KLHL4: variants seen among roughly 807,000 people sequenced by gnomAD.
KLHL4 encodes kelch like family member 4.
In KLHL4, 17 loss-of-function variants were observed where a neutral mutation model predicts 45.8. The ratio of observed to expected loss-of-function variants is 0.37; its 90% confidence interval spans 0.25 to 0.56. The LOEUF is 0.56. KLHL4 is among the 20% of genes least tolerant of loss of function. The pLI is 0.79. For synonymous variants in KLHL4, 224 were observed against 189.9 expected (o/e 1.18, Z -1.47); for missense variants, 544 against 544.9 (o/e 1.00, Z 0.02).
chrX:87,559,834 T>C (rs185260288), intron 1 of KLHL4, among the ~76,000 whole-genome samples: 122 of 111,451 alleles, frequency 1.1e-3, no homozygotes, highest in Middle Eastern at 4.7e-3. Context: ...ACAGCGGTAA[T>C]ATATCCAATA....
intron 9 of KLHL4, among the ~76,000 whole-genome samples, chrX:87,637,220 C>T (rs1427652527): frequency 9.0e-6 from 1 of 111,386 alleles, no homozygotes; most frequent in East Asian, 2.9e-4. Context: ...TGGCTAGATC[C>T]AGAACAGAAA....
At chrX:87,569,776 G>T (rs1270681173) in intron 1 of KLHL4, among the ~76,000 whole-genome samples, 2 of 111,459 alleles carry the variant, frequency 1.8e-5, no homozygotes, top group African/African-American at 6.5e-5. Context: ...ATAGACGAAC[G>T]TAAAGAGACA....
At chrX:87,593,748 T>A (rs1921750118) in intron 1 of KLHL4, among the ~76,000 whole-genome samples, 2 of 110,978 alleles carry the variant, frequency 1.8e-5, no homozygotes, top group South Asian at 7.5e-4. Context: ...ACCAGAGAGG[T>A]CCATGTCCAC....
intron 1 of KLHL4, among the ~76,000 whole-genome samples, chrX:87,578,331 C>G (rs1921160686): frequency 9.0e-6 from 1 of 111,232 alleles, no homozygotes; most frequent in Non-Finnish European, 1.9e-5. Context: ...GTTATATATT[C>G]TAATAGACTA....
chrX:87,567,736 A>G (rs1932244273), intron 1 of KLHL4, among the ~76,000 whole-genome samples: 1 of 111,243 alleles, frequency 9.0e-6, no homozygotes, highest in African/African-American at 3.3e-5. Context: ...GTTCTCACTT[A>G]TAAGTGGGAG....
intron 1 of KLHL4, among the ~76,000 whole-genome samples, chrX:87,574,490 G>A (rs1178925293): frequency 8.9e-6 from 1 of 111,890 alleles, no homozygotes; most frequent in Non-Finnish European, 1.9e-5. Context: ...CAAGAAGAAT[G>A]CTGGCAATGC....
At chrX:87,556,364 C>A (rs1931973187) in intron 1 of KLHL4, among the ~76,000 whole-genome samples, 1 of 109,665 alleles carries the variant, frequency 9.1e-6, no homozygotes, top group Admixed American at 9.8e-5. Context: ...GAGTTCATGT[C>A]CTTTGTAGGG....
chrX:87,644,298 A>G (rs1923559553), intron 9 of KLHL4, among the ~76,000 whole-genome samples: 3 of 111,355 alleles, frequency 2.7e-5, no homozygotes, highest in African/African-American at 9.8e-5. Flanking sequence ...AACCCCTATT[A>G]CAATAGCTGC....
At chrX:87,561,448 G>A (rs1001939911) in intron 1 of KLHL4, among the ~76,000 whole-genome samples, 2 of 111,686 alleles carry the variant, frequency 1.8e-5, no homozygotes, top group Non-Finnish European at 3.8e-5. Flanking sequence ...ACACAAGGCA[G>A]AATTTATACT....
At chrX:87,548,601 A>G (rs1931734453) in intron 1 of KLHL4, among the ~76,000 whole-genome samples, 1 of 111,446 alleles carries the variant, frequency 9.0e-6, no homozygotes, top group Non-Finnish European at 1.9e-5. Context: ...ATATAAATAG[A>G]AACAATAAGA....
intron 1 of KLHL4, among the ~76,000 whole-genome samples, chrX:87,591,185 A>G (rs1921651303): frequency 9.0e-6 from 1 of 111,647 alleles, no homozygotes; most frequent in Non-Finnish European, 1.9e-5. Context: ...CATTCTATCT[A>G]ATATCTTATA....
chrX:87,661,771 G>A (rs1319297534), intron 9 of KLHL4, among the ~76,000 whole-genome samples: 1 of 111,260 alleles, frequency 9.0e-6, no homozygotes, highest in Admixed American at 9.6e-5. Flanking sequence ...AGAAAAACGA[G>A]AACTTTACAC....
intron 1 of KLHL4, among the ~76,000 whole-genome samples, chrX:87,597,502 T>C (rs5969270): frequency 0.21 from 23,134 of 110,590 alleles, 2,182 homozygotes; most frequent in East Asian, 0.54. Flanking sequence ...TTATTTCTCT[T>C]GAGTTTGTTT....
At chrX:87,561,124 C>T (rs1314807163) in intron 1 of KLHL4, among the ~76,000 whole-genome samples, 1 of 111,198 alleles carries the variant, frequency 9.0e-6, no homozygotes, top group Non-Finnish European at 1.9e-5. Context: ...GCTAGATGGC[C>T]GAAGAGAACC....
chrX:87,627,311 A>G (rs1602451808), intron 6 of KLHL4, among the ~76,000 whole-genome samples: 1 of 111,171 alleles, frequency 9.0e-6, no homozygotes, highest in East Asian at 2.8e-4. Flanking sequence ...TCAGAGCTAC[A>G]TCTTGAAACT....
chrX:87,521,231 T>G (rs1452517702), intron 1 of KLHL4, among the ~76,000 whole-genome samples: 1 of 112,157 alleles, frequency 8.9e-6, no homozygotes, highest in Non-Finnish European at 1.9e-5. Context: ...ACTCCATTCT[T>G]TCTTTACTAG....
intron 1 of KLHL4, among the ~76,000 whole-genome samples, chrX:87,605,519 A>G (rs1922163862): frequency 9.2e-6 from 1 of 109,066 alleles, no homozygotes; most frequent in Non-Finnish European, 1.9e-5. Context: ...TGTTTTCTTG[A>G]TTTATTTTTG....
In KLHL4 at chrX:87,667,005, A is replaced by T; in HGVS notation, c.*471A>T. On this transcript the variant is annotated 3_prime_UTR_variant, in exon 11 of 11. Transcript: ENST00000373119. ...AGAATAGTGTGATTTTTAGTAAGCC[A>T]TTATTCTCCTATTCAAATAATATCC... The T allele has an allele frequency of 5.5e-6, 4 of 722,261 alleles. No homozygotes were observed. The highest frequency in any genetic ancestry group is 1.4e-4 in the South Asian group (2 of 14,176). The allele number at this position is 722,261 out of a possible 1,213,427, so 59.5% of individuals were successfully genotyped here.
chrX:87,665,119 A>G (rs1322927016), intron 10 of KLHL4, among the ~76,000 whole-genome samples, 184 bp downstream of exon 10: 1 of 111,655 alleles, frequency 9.0e-6, no homozygotes, highest in Non-Finnish European at 1.9e-5. Flanking sequence ...ATATGATATG[A>G]CATGATAGTT....
Sources: gnomAD v4.1 joint callset for allele counts (sites outside exome capture counted in the v4.1 genomes callset) on GRCh38, gnomAD v4.1.1 for gene constraint, MANE v1.5 for transcripts, NCBI Gene and HGNC (gene_info 2026-07-23, HGNC 2026-07-21) for gene names.